IL2RB: variants seen among roughly 807,000 people sequenced by gnomAD.
The protein encoded by IL2RB is interleukin 2 receptor subunit beta.
In IL2RB, 17 loss-of-function variants were observed where a neutral mutation model predicts 44.2. The ratio of observed to expected loss-of-function variants is 0.38; its 90% confidence interval spans 0.26 to 0.58. The LOEUF is 0.58. IL2RB is among the 20% of genes least tolerant of loss of function. IL2RB has a pLI of 0.63. For synonymous variants in IL2RB, 286 were observed against 297.9 expected (o/e 0.96, Z 0.41); for missense variants, 624 against 685.5 (o/e 0.91, Z 1.00).
chr22:37,157,382 G>A (rs114280951), intron 1 of IL2RB, among the ~76,000 whole-genome samples: 1,725 of 152,024 alleles, frequency 0.011, 33 homozygotes, highest in African/African-American at 0.039. Context: ...CCACCTCCAC[G>A]CCAGCCCCCC....
chr22:37,128,536 G>A lies in IL2RB; in HGVS notation c.1216C>T (p.Gln406Ter). ...VAGAPTGSSP[Q>*]PLQPLSGEDD... is the part of the protein sequence containing the mutation. ...TCCCCTGACAGAGGCTGCAGGGGTTGGGGGGAAGACCCTGTGGGTGCCCCG... is the reference window on the plus strand; with the variant it reads ...TCCCCTGACAGAGGCTGCAGGGGTTAGGGGGAAGACCCTGTGGGTGCCCCG... Residue 406 changes from glutamine to a stop codon, truncating the protein, a stop_gained, in exon 10 of 10, where the codon CAA (glutamine) becomes TAA (stop). Transcript: ENST00000216223. LOFTEE classifies it low-confidence loss of function (END_TRUNC). The surrounding 1 kb of genome is among the most constrained non-coding windows in gnomAD (Gnocchi z 4.5). 6.2e-7 allele frequency: 1 copy of A among 1,613,066 alleles called. No homozygotes were observed. Among genetic ancestry groups the A allele is most frequent in the Non-Finnish European group, 8.5e-7 (1 of 1,179,218 alleles).
chr22:37,161,270 G>A (rs1242411325), intron 1 of IL2RB, among the ~76,000 whole-genome samples: 1 of 152,206 alleles, frequency 6.6e-6, no homozygotes, highest in East Asian at 1.9e-4. Flanking sequence ...CTTTCAGAGG[G>A]AGGAGTGCAG....
intron 1 of IL2RB, among the ~76,000 whole-genome samples, chr22:37,164,265 A>G (rs954824618): frequency 6.6e-5 from 10 of 151,952 alleles, no homozygotes; most frequent in African/African-American, 2.4e-4. Flanking sequence ...TCCCTAAGCC[A>G]GGCGTCAGGG....
intron 1 of IL2RB, among the ~76,000 whole-genome samples, chr22:37,157,441 G>A (rs1922718572): frequency 6.6e-6 from 1 of 152,170 alleles, no homozygotes; most frequent in Non-Finnish European, 1.5e-5. Flanking sequence ...TCCGGGAGCT[G>A]CCTGCTTCAT....
At chr22:37,139,035 T>C (rs542924291) in intron 5 of IL2RB, 82 bp downstream of exon 5, 1 of 892,876 alleles carries the variant, frequency 1.1e-6, no homozygotes, top group African/African-American at 1.6e-5. Context: ...GGAGAAAGGC[T>C]GGAGCAGGGA....
intron 7 of IL2RB, among the ~76,000 whole-genome samples, chr22:37,135,815 G>A (rs3218304): frequency 0.013 from 2,022 of 152,178 alleles, 49 homozygotes; most frequent in African/African-American, 0.045. Flanking sequence ...AATGTGGTGC[G>A]ATGAGGGACA....
rs1921154694 is a variant in IL2RB at position 37,127,122 on chromosome 22, G to A, written c.*974C>T. On this transcript the variant is annotated 3_prime_UTR_variant, in exon 10 of 10. Coordinates refer to ENST00000216223, the MANE Select transcript of IL2RB (RefSeq NM_000878.5). ...TGCTGCCTGGGCCTCGGACTCCAGG[G>A]TTTACTCCCCATCAGCTTCTCTTGT... 1 of 152,158 alleles carries A rather than the reference G, an allele frequency of 6.6e-6. No individual in the cohort carries two copies. The highest frequency in any genetic ancestry group is 2.4e-5 in the African/African-American group (1 of 41,418). The allele number at this position is 152,158 out of a possible 1,614,324, so 9.4% of individuals were successfully genotyped here.
At chr22:37,170,431 G>GA (rs1050567798) in intron 1 of IL2RB, among the ~76,000 whole-genome samples, 2 of 151,904 alleles carry the variant, frequency 1.3e-5, no homozygotes, top group African/African-American at 4.8e-5. Flanking sequence ...CCAGCAGCGG[G>GA]GGCAGACTCT....
intron 1 of IL2RB, among the ~76,000 whole-genome samples, chr22:37,155,385 T>C (rs542839983): frequency 1.3e-5 from 2 of 152,286 alleles, no homozygotes; most frequent in East Asian, 3.9e-4. Context: ...CTCCCCATCA[T>C]ACACACTCAA....
At chr22:37,145,097 G>A (rs1033767296) in intron 1 of IL2RB, among the ~76,000 whole-genome samples, 34 of 152,188 alleles carry the variant, frequency 2.2e-4, no homozygotes, top group African/African-American at 8.0e-4. Flanking sequence ...CCTCGAGGGA[G>A]CTGAGGCAAT....
At chr22:37,136,537 T>G (rs1327257980) in intron 6 of IL2RB, 144 bp from the exon 7 acceptor site, 34 of 867,106 alleles carry the variant, frequency 3.9e-5, no homozygotes, top group Non-Finnish European at 5.4e-5. Context: ...ACCCAGTTGC[T>G]GGGGCCTCAA....
intron 1 of IL2RB, among the ~76,000 whole-genome samples, chr22:37,168,861 G>T (rs527759549): frequency 6.6e-6 from 1 of 152,354 alleles, no homozygotes; most frequent in African/African-American, 2.4e-5. Context: ...TGCCAGAGGG[G>T]CACTGCTTAT....
intron 1 of IL2RB, among the ~76,000 whole-genome samples, chr22:37,174,097 T>A (rs972432609): frequency 6.6e-6 from 1 of 152,206 alleles, no homozygotes; most frequent in South Asian, 2.1e-4. Context: ...TAAATCTCAC[T>A]TCCCCGAGGT....
intron 1 of IL2RB, among the ~76,000 whole-genome samples, chr22:37,147,606 G>A (rs1174591708): frequency 6.6e-6 from 1 of 152,258 alleles, no homozygotes; most frequent in South Asian, 2.1e-4. Flanking sequence ...AACACAGTAA[G>A]AGGTGGAGCT....
chr22:37,133,570 T>C (rs1307110751), intron 8 of IL2RB, among the ~76,000 whole-genome samples: 1 of 152,190 alleles, frequency 6.6e-6, no homozygotes, highest in Non-Finnish European at 1.5e-5. Context: ...TGCAAACCTC[T>C]TGGGAGAAGC....
chr22:37,160,611 G>A (rs945407022), intron 1 of IL2RB, among the ~76,000 whole-genome samples: 4 of 151,654 alleles, frequency 2.6e-5, no homozygotes, highest in Non-Finnish European at 5.9e-5. Context: ...AAAGGCCAAG[G>A]CGGGTGGATT....
intron 8 of IL2RB, among the ~76,000 whole-genome samples, chr22:37,134,562 C>T (rs548257584): frequency 1.3e-5 from 2 of 152,156 alleles, no homozygotes; most frequent in East Asian, 1.9e-4. Flanking sequence ...GTCGAGATTG[C>T]GCCACTGTAC....
intron 5 of IL2RB, among the ~76,000 whole-genome samples, chr22:37,138,147 C>T (rs774923312): frequency 3.3e-5 from 5 of 152,186 alleles, no homozygotes; most frequent in Non-Finnish European, 7.3e-5. Flanking sequence ...TGACTCACGG[C>T]AGCTTTTCTC....
chr22:37,132,347 C>T, intron 9 of IL2RB, 37 bp downstream of exon 9: 1 of 1,551,820 alleles, frequency 6.4e-7, no homozygotes, highest in Non-Finnish European at 8.9e-7. Context: ...CCACTCACAC[C>T]CCTGCCCACC....
Sources: allele counts gnomAD v4.1 joint callset (sites outside exome capture counted in the v4.1 genomes callset), GRCh38; gene constraint gnomAD v4.1.1; non-coding constraint Gnocchi (gnomAD v3.1); transcripts MANE v1.5; gene names NCBI Gene and HGNC (gene_info 2026-07-23, HGNC 2026-07-21).